GRB2: variants seen among roughly 807,000 people sequenced by gnomAD.
GRB2 encodes the protein growth factor receptor-bound protein 2.
Under a neutral mutation model 27.4 loss-of-function variants are expected in GRB2, and 2 were observed. That is an observed-to-expected ratio of 0.07 (90% CI 0.03 to 0.23). The LOEUF is 0.23. Among genes scored for constraint, GRB2 ranks in the 10% least tolerant of loss-of-function variants. The probability of loss-of-function intolerance (pLI) is 1.00; values close to 1 mark genes in which losing one functional copy is unlikely to be tolerated. For synonymous variants in GRB2, 94 were observed against 99.6 expected (o/e 0.94, Z 0.33); for missense variants, 102 against 282.4 (o/e 0.36, Z 4.58).
intron 2 of GRB2, among the ~76,000 whole-genome samples, chr17:75,390,080 G>A (rs116763075): frequency 5.6e-4 from 85 of 152,278 alleles, no homozygotes; most frequent in African/African-American, 1.9e-3. Flanking sequence ...AATAGGCCAG[G>A]CAGTGCTGAG....
intron 2 of GRB2, among the ~76,000 whole-genome samples, chr17:75,346,180 T>TC (rs1161149667): frequency 2.1e-5 from 3 of 143,350 alleles, no homozygotes; most frequent in African/African-American, 8.1e-5. Context: ...TTTTTTTTTT[T>TC]CTGAAAACTG....
At chr17:75,389,885 C>T (rs1434383372) in intron 2 of GRB2, among the ~76,000 whole-genome samples, 2 of 152,054 alleles carry the variant, frequency 1.3e-5, no homozygotes, top group African/African-American at 2.4e-5. Context: ...TTTAAAAGAT[C>T]TTTTCCTGTT....
At chr17:75,389,471 T>C (rs760431285) in intron 2 of GRB2, among the ~76,000 whole-genome samples, 6 of 152,218 alleles carry the variant, frequency 3.9e-5, no homozygotes, top group Non-Finnish European at 7.3e-5. Flanking sequence ...AGAATGATAG[T>C]TGTGTGATCT....
In GRB2 at chr17:75,320,687, C is replaced by T. The variant is rs1030972299; in HGVS notation, c.469-134G>A. 6 of 644,406 alleles carry T rather than the reference C, an allele frequency of 9.3e-6. No individual in the cohort carries two copies. Among genetic ancestry groups the T allele is most frequent in the African/African-American group, 1.8e-5 (1 of 54,832 alleles). The allele number at this position is 644,406 out of a possible 1,614,324, so 39.9% of individuals were successfully genotyped here. A position where few individuals can be genotyped will look rare whatever the true frequency, so the allele number is the denominator to read the frequency against. On this transcript the variant is annotated intron_variant, in intron 5 of 5. Coordinates refer to ENST00000316804, the MANE Select transcript of GRB2 (RefSeq NM_002086.5). This position sits in a 1 kb window ranked among gnomAD's most constrained non-coding sequence, Gnocchi z 4.3. ...TGTTTCTTAAACTCACCTCCCATCT[C>T]CCAACCCCCCGTTTATTCTTACCTA...
intron 2 of GRB2, among the ~76,000 whole-genome samples, chr17:75,350,353 G>C (rs1283834026): frequency 2.0e-5 from 3 of 152,112 alleles, no homozygotes; most frequent in Non-Finnish European, 4.4e-5. Flanking sequence ...TCAAAGAGCT[G>C]ACAGCAGGGG....
At chr17:75,397,128 A>C (rs1043513991) in intron 1 of GRB2, among the ~76,000 whole-genome samples, 2 of 152,216 alleles carry the variant, frequency 1.3e-5, no homozygotes, top group African/African-American at 4.8e-5. Flanking sequence ...TTAAATCCCT[A>C]CTTCCATGGC....
chr17:75,398,809 G>A (rs1466943512), intron 1 of GRB2, among the ~76,000 whole-genome samples: 1 of 151,950 alleles, frequency 6.6e-6, no homozygotes, highest in African/African-American at 2.4e-5. Context: ...GTGCAGTGGC[G>A]TGATCTCCGC....
chr17:75,324,021 A>G (rs1320276441), intron 4 of GRB2, among the ~76,000 whole-genome samples: 1 of 151,490 alleles, frequency 6.6e-6, no homozygotes, highest in African/African-American at 2.4e-5. Flanking sequence ...CATATTGGTC[A>G]GGCTGGTCTC....
At chr17:75,325,684 C>T (rs1025370774) in intron 4 of GRB2, among the ~76,000 whole-genome samples, 1 of 152,240 alleles carries the variant, frequency 6.6e-6, no homozygotes, top group Non-Finnish European at 1.5e-5. Context: ...CTGCTGCTCA[C>T]CTCCTGAAGG....
At chr17:75,336,825 C>G (rs867318461) in intron 2 of GRB2, among the ~76,000 whole-genome samples, 1 of 152,134 alleles carries the variant, frequency 6.6e-6, no homozygotes, top group African/African-American at 2.4e-5. Context: ...GCAACCTCCA[C>G]TTCCCGGGTT....
intron 2 of GRB2, among the ~76,000 whole-genome samples, chr17:75,359,642 C>T (rs2078766270): frequency 6.6e-6 from 1 of 152,102 alleles, no homozygotes; most frequent in Admixed American, 6.6e-5. Flanking sequence ...TCATCTCCTG[C>T]CTTCCTGCCT....
chr17:75,379,638 G>A (rs1219656631), intron 2 of GRB2, among the ~76,000 whole-genome samples: 2 of 151,974 alleles, frequency 1.3e-5, no homozygotes, highest in Non-Finnish European at 2.9e-5. Context: ...GAGCTCAAGT[G>A]GTCCTCCCAC....
Position 75,318,881 on chromosome 17 carries a change from C to A in GRB2, c.*1487G>T, listed in dbSNP as rs35280208. The A allele has an allele frequency of 1.3e-5, 2 of 152,064 alleles. No individual in the cohort carries two copies. Among genetic ancestry groups the A allele is most frequent in the African/African-American group, 4.8e-5 (2 of 41,354 alleles). The allele number at this position is 152,064 out of a possible 1,614,324, so 9.4% of individuals were successfully genotyped here. On this transcript the variant is annotated 3_prime_UTR_variant, in exon 6 of 6. Coordinates refer to ENST00000316804, the MANE Select transcript of GRB2 (RefSeq NM_002086.5). ...TGAAACCTGCTACAACTGGAGGCTG[C>A]GTTCCCATGACTTCCTCCTCCGCTC...
At chr17:75,400,588 G>A (rs181891382) in intron 1 of GRB2, among the ~76,000 whole-genome samples, 2 of 151,874 alleles carry the variant, frequency 1.3e-5, no homozygotes, top group African/African-American at 4.8e-5. Context: ...GATTCTCCTT[G>A]CCTCAGCCTC....
chr17:75,395,461 G>C (rs1289865051), intron 1 of GRB2, among the ~76,000 whole-genome samples: 1 of 152,170 alleles, frequency 6.6e-6, no homozygotes, highest in African/African-American at 2.4e-5. Flanking sequence ...ACTCTCTGTA[G>C]TTACTTTGAT....
intron 1 of GRB2, among the ~76,000 whole-genome samples, chr17:75,401,451 C>CAA (rs71161209): frequency 4.7e-3 from 369 of 78,650 alleles, no homozygotes; most frequent in African/African-American, 6.6e-3. Flanking sequence ...GACTCCGTCT[C>CAA]AAAAAAAAAA....
chr17:75,386,172 G>T (rs987624186), intron 2 of GRB2, among the ~76,000 whole-genome samples: 2 of 151,826 alleles, frequency 1.3e-5, no homozygotes, highest in Non-Finnish European at 2.9e-5. Flanking sequence ...AGGCTGGAGT[G>T]CAGTGGCATG....
At chr17:75,323,445 TA>T (rs2078474450) in intron 4 of GRB2, among the ~76,000 whole-genome samples, 2 of 152,130 alleles carry the variant, frequency 1.3e-5, no homozygotes, top group African/African-American at 4.8e-5. Flanking sequence ...AGGGCCCCAA[TA>T]ATGAGCAGTG....
At chr17:75,344,786 T>C (rs2078643932) in intron 2 of GRB2, among the ~76,000 whole-genome samples, 2 of 152,096 alleles carry the variant, frequency 1.3e-5, no homozygotes, top group Admixed American at 1.3e-4. Context: ...TAATCTTACA[T>C]GAAATCCTAC....
Sources: allele counts gnomAD v4.1 joint callset (sites outside exome capture counted in the v4.1 genomes callset), GRCh38; gene constraint gnomAD v4.1.1; non-coding constraint Gnocchi (gnomAD v3.1); transcripts MANE v1.5; gene names NCBI Gene and HGNC (gene_info 2026-07-23, HGNC 2026-07-21).